EYS: variants seen among roughly 807,000 people sequenced by gnomAD.
The protein encoded by EYS is protein eyes shut homolog.
In EYS, 250 loss-of-function variants were observed where a neutral mutation model predicts 282.1. The ratio of observed to expected loss-of-function variants is 0.89; its 90% CI spans 0.80 to 0.98. EYS has a LOEUF of 0.98. EYS is among the 50% of genes least tolerant of loss of function. The probability of loss-of-function intolerance (pLI) is 0.00; values close to 1 mark genes in which losing one functional copy is unlikely to be tolerated. For missense variants in EYS, 4,016 were observed against 3,709.0 expected, an observed-to-expected ratio of 1.08 and a Z score of -2.15; for synonymous variants, 1,355 against 1,282.9, an observed-to-expected ratio of 1.06 and a Z score of -1.20.
chr6:64,220,295 C>T (rs1766059953), intron 31 of EYS, among the ~76,000 whole-genome samples: 1 of 152,104 alleles, frequency 6.6e-6, no homozygotes, highest in Admixed American at 6.6e-5. Context: ...TTGTTGACCC[C>T]ACAAATTATT....
At chr6:64,710,332 C>T (rs1357639076) in intron 22 of EYS, among the ~76,000 whole-genome samples, 1 of 152,178 alleles carries the variant, frequency 6.6e-6, no homozygotes, top group Non-Finnish European at 1.5e-5. Context: ...TGTTACAACC[C>T]TTCCTCTTCT....
chr6:64,446,777 G>A (rs1775131376), intron 26 of EYS, among the ~76,000 whole-genome samples: 1 of 151,846 alleles, frequency 6.6e-6, no homozygotes, highest in Non-Finnish European at 1.5e-5. Flanking sequence ...ATATAATTTG[G>A]TCCCATATCT....
chr6:64,846,506 A>T (rs190857493), intron 19 of EYS, among the ~76,000 whole-genome samples: 3 of 152,122 alleles, frequency 2.0e-5, no homozygotes, highest in African/African-American at 7.2e-5. Context: ...AATTATCTCA[A>T]GTATAAGAAG....
At chr6:65,529,649 T>C (rs183364544) in intron 2 of EYS, among the ~76,000 whole-genome samples, 167 of 152,342 alleles carry the variant, frequency 1.1e-3, no homozygotes, top group African/African-American at 3.7e-3. Flanking sequence ...ATGGACTGAA[T>C]GTTTGTGTCC....
intron 13 of EYS, among the ~76,000 whole-genome samples, chr6:65,055,574 T>C (rs746265856): frequency 1.6e-4 from 25 of 152,126 alleles, no homozygotes; most frequent in Non-Finnish European, 2.5e-4. Context: ...CAAGATACCA[T>C]ATTACTTTTA....
intron 12 of EYS, among the ~76,000 whole-genome samples, chr6:65,257,771 C>G (rs1469211569): frequency 2.0e-5 from 3 of 151,916 alleles, no homozygotes; most frequent in African/African-American, 4.8e-5. Flanking sequence ...CATGTTCTCA[C>G]TTACTGTATG....
intron 15 of EYS, among the ~76,000 whole-genome samples, chr6:64,939,913 C>G (rs1318445755): frequency 6.6e-6 from 1 of 151,966 alleles, no homozygotes; most frequent in East Asian, 1.9e-4. Context: ...AACTTATAAT[C>G]ATATCAAATA....
At chr6:64,972,219 T>A (rs1770318136) in intron 14 of EYS, among the ~76,000 whole-genome samples, 1 of 152,160 alleles carries the variant, frequency 6.6e-6, no homozygotes, top group Non-Finnish European at 1.5e-5. Context: ...TTAGGCAATC[T>A]GGCAGAAGAG....
chr6:65,284,252 GC>G (rs1437994744), intron 12 of EYS, among the ~76,000 whole-genome samples: 1 of 151,984 alleles, frequency 6.6e-6, no homozygotes, highest in Non-Finnish European at 1.5e-5. Context: ...AAGAAGTCTG[GC>G]CAAATTTTGT....
chr6:64,366,201 A>C (rs1047064622), intron 29 of EYS, among the ~76,000 whole-genome samples: 2 of 152,028 alleles, frequency 1.3e-5, no homozygotes, highest in Admixed American at 1.3e-4. Flanking sequence ...CAGCATTATG[A>C]AAGTAACAGA....
At chr6:64,532,390 A>G (rs9351300) in intron 26 of EYS, among the ~76,000 whole-genome samples, 39,790 of 152,062 alleles carry the variant, frequency 0.26, 5,713 homozygotes, top group East Asian at 0.36. Context: ...TCAGTTTGGC[A>G]AACTAGGAAA....
At chr6:64,060,800 T>C (rs1441254803) in intron 33 of EYS, among the ~76,000 whole-genome samples, 1 of 152,216 alleles carries the variant, frequency 6.6e-6, no homozygotes, top group South Asian at 2.1e-4. Context: ...GTGATAAATA[T>C]GTCTACAATG....
At chr6:65,057,145 C>A (rs558454133) in intron 13 of EYS, among the ~76,000 whole-genome samples, 3 of 151,886 alleles carry the variant, frequency 2.0e-5, no homozygotes, top group South Asian at 4.2e-4. Flanking sequence ...TAAGGCAAAG[C>A]AAGGATTTGT....
At chr6:65,253,674 G>T (rs947424202) in intron 12 of EYS, among the ~76,000 whole-genome samples, 2 of 151,678 alleles carry the variant, frequency 1.3e-5, no homozygotes, top group African/African-American at 4.8e-5. Context: ...GATTCAGAAA[G>T]GTCTTCAAAA....
chr6:63,843,566 A>T (rs1772020312), intron 36 of EYS, among the ~76,000 whole-genome samples: 1 of 152,188 alleles, frequency 6.6e-6, no homozygotes, highest in African/African-American at 2.4e-5. Context: ...TCATGCTAAA[A>T]ACACTCAATA....
intron 14 of EYS, among the ~76,000 whole-genome samples, chr6:64,986,027 T>C (rs553772548): frequency 5.0e-4 from 76 of 151,624 alleles, no homozygotes; most frequent in African/African-American, 1.8e-3. Context: ...TTTTGATTTA[T>C]CATTATCATA....
At chr6:64,020,699 T>C (rs1769146961) in intron 33 of EYS, among the ~76,000 whole-genome samples, 1 of 152,154 alleles carries the variant, frequency 6.6e-6, no homozygotes, top group African/African-American at 2.4e-5. Context: ...AAAGAAATAT[T>C]GATATTCCAG....
chr6:64,591,968 A>G lies in EYS; in HGVS notation c.3899T>C (p.Val1300Ala), dbSNP rs1194975398. The change falls in exon 26 of 43, where the codon GTC becomes GCC. Residue 1300 changes from valine (V) to alanine (A), a missense_variant. Physicochemically the swap from Val to Ala is moderately conservative, Grantham distance 64. Transcript: ENST00000503581. ...AGTGGTTGGGAGAATGTCGTGCTTG[A>G]CAATGCCTGTCTGTTTTGGACCTAC... ...VDQGPKQTGIVKHDILPTTGL... is the reference protein window; with the variant it reads ...VDQGPKQTGIAKHDILPTTGL... 3 of 1,499,064 alleles carry G rather than the reference A, an allele frequency of 2.0e-6. No homozygotes were observed. The highest frequency in any genetic ancestry group is 2.7e-6 in the Non-Finnish European group (3 of 1,121,590). 92.9% of individuals were successfully genotyped at this position (1,499,064 alleles called of 1,614,324 possible).
intron 22 of EYS, among the ~76,000 whole-genome samples, chr6:64,649,437 A>C (rs1461088562): frequency 1.3e-5 from 2 of 151,892 alleles, no homozygotes; most frequent in Admixed American, 1.3e-4. Context: ...TCCAGGGTTC[A>C]AGCGATTCTC....
Sources: gnomAD v4.1 joint callset for allele counts (sites outside exome capture counted in the v4.1 genomes callset) on GRCh38, gnomAD v4.1.1 for gene constraint, MANE v1.5 for transcripts, NCBI Gene and HGNC (gene_info 2026-07-23, HGNC 2026-07-21) for gene names.